PLD5: variants seen among roughly 807,000 people sequenced by gnomAD.
PLD5 encodes the protein inactive phospholipase D5.
Under a neutral mutation model 61.1 loss-of-function variants are expected in PLD5, and 36 were observed. The observed-to-expected ratio is 0.59, with a 90% confidence interval of 0.45 to 0.78. The LOEUF is 0.78. PLD5 is among the 30% of genes least tolerant of loss of function. The probability of loss-of-function intolerance (pLI) is 0.00; values close to 1 mark genes in which losing one functional copy is unlikely to be tolerated. For synonymous variants in PLD5, 243 were observed against 242.8 expected, an observed-to-expected ratio of 1.00 and a Z score of -0.01; for missense variants, 515 against 644.4, an observed-to-expected ratio of 0.80 and a Z score of 2.17.
chr1:242,261,442 A>T (rs1673365187), intron 4 of PLD5, among the ~76,000 whole-genome samples: 1 of 152,166 alleles, frequency 6.6e-6, no homozygotes, highest in South Asian at 2.1e-4. Flanking sequence ...CCTTGTGATG[A>T]TAAATAGTTT....
Position 242,324,273 on chromosome 1 carries a change from AAAGC to A in PLD5, c.326+23829_326+23832del, listed in dbSNP as rs1394913347. 5.6e-4 allele frequency among the ~76,000 whole-genome samples: 86 copies of A among 152,370 alleles called. 1 individual carries two copies. Among genetic ancestry groups the A allele is most frequent in the Non-Finnish European group, 7.3e-5 (5 of 68,044 alleles). Reference sequence around the variant, plus strand: ...AGATAATGTCACCTCATGTGAGTAAAAAGCAAGATGATTTCTTTAGAATGAACAA... The same window carrying A: ...AGATAATGTCACCTCATGTGAGTAAAAAGATGATTTCTTTAGAATGAACAA... On this transcript the variant is annotated intron_variant, in intron 2 of 9. Transcript: ENST00000536534.
intron 1 of PLD5, among the ~76,000 whole-genome samples, chr1:242,433,714 T>C (rs1665846059): frequency 6.6e-6 from 1 of 152,112 alleles, no homozygotes. Flanking sequence ...GTAATATGTA[T>C]TATTCTAAAA....
intron 5 of PLD5, among the ~76,000 whole-genome samples, chr1:242,144,252 TATTTTTTTTTTA>T (rs1338294418): frequency 3.2e-4 from 28 of 88,534 alleles, no homozygotes; most frequent in Non-Finnish European, 4.0e-4. Flanking sequence ...CCTCAAATTT[TATTTTTTTTTTA>T]AAATATTATT....
chr1:242,389,472 C>T (rs1490761438), intron 1 of PLD5, among the ~76,000 whole-genome samples: 1 of 151,954 alleles, frequency 6.6e-6, no homozygotes, highest in East Asian at 1.9e-4. Context: ...TTATTAAGCT[C>T]CCATATTAAC....
At chr1:242,450,445 G>GTCC (rs1380203405) in intron 1 of PLD5, among the ~76,000 whole-genome samples, 1 of 152,144 alleles carries the variant, frequency 6.6e-6, no homozygotes, top group Admixed American at 6.6e-5. Flanking sequence ...TGTTGGCAAA[G>GTCC]TCCCACAAAT....
intron 3 of PLD5, among the ~76,000 whole-genome samples, chr1:242,283,072 T>A (rs1433409331): frequency 6.6e-6 from 1 of 152,128 alleles, no homozygotes; most frequent in African/African-American, 2.4e-5. Flanking sequence ...AACAGCAACC[T>A]TTTGGAGGTA....
At position 242,256,545 on chromosome 1, in the gene PLD5, G is replaced by A. The variant is rs941226881; in HGVS notation, c.607+8792C>T. On this transcript the variant is annotated intron_variant, in intron 4 of 9. Transcript: ENST00000536534. This position sits in a 1 kb window ranked among gnomAD's most constrained non-coding sequence, Gnocchi z 5.7. ...TGCCCTTCTGTCTTATCCGCCACGT[G>A]AGGACACAGCGTTTGTTCCCTCTGG... Among the ~76,000 whole-genome samples, 21 of 152,140 alleles carry A rather than the reference G, an allele frequency of 1.4e-4. No homozygotes were observed. Among genetic ancestry groups the A allele is most frequent in the Non-Finnish European group, 2.6e-4 (18 of 68,030 alleles).
intron 6 of PLD5, 100 bp from the exon 7 acceptor site, chr1:242,114,126 T>C (rs572442349): frequency 7.4e-7 from 1 of 1,354,494 alleles, no homozygotes; most frequent in South Asian, 1.5e-5. Context: ...TGTAACTATA[T>C]TTTTGCAAAC....
chr1:242,401,430 T>C (rs1663927678), intron 1 of PLD5, among the ~76,000 whole-genome samples: 1 of 152,130 alleles, frequency 6.6e-6, no homozygotes, highest in African/African-American at 2.4e-5. Flanking sequence ...CTCCCCTTCC[T>C]TCACAGACTT....
chr1:242,263,391 T>C (rs1187548149), intron 4 of PLD5, among the ~76,000 whole-genome samples: 1 of 151,972 alleles, frequency 6.6e-6, no homozygotes, highest in Non-Finnish European at 1.5e-5. Flanking sequence ...AAGCAAGATA[T>C]TCAATCACAG....
chr1:242,240,613 G>A (rs1671939141), intron 4 of PLD5, among the ~76,000 whole-genome samples: 2 of 152,086 alleles, frequency 1.3e-5, no homozygotes, highest in African/African-American at 4.8e-5. Flanking sequence ...AGAAACATCA[G>A]GGAGTTTTAG....
chr1:242,191,219 A>G (rs1045529068), intron 5 of PLD5, among the ~76,000 whole-genome samples: 2 of 152,106 alleles, frequency 1.3e-5, no homozygotes, highest in Non-Finnish European at 2.9e-5. Context: ...TAGTTTTAGA[A>G]ACTACATTGT....
chr1:242,191,542 C>T (rs959211713), intron 5 of PLD5, among the ~76,000 whole-genome samples: 37 of 148,408 alleles, frequency 2.5e-4, no homozygotes, highest in Middle Eastern at 3.5e-3. Context: ...GCCAAGACTG[C>T]GCCACTGCAC....
intron 2 of PLD5, among the ~76,000 whole-genome samples, chr1:242,323,529 A>T (rs1658554741): frequency 1.3e-5 from 2 of 152,204 alleles, no homozygotes. Context: ...AAGAGTGAAT[A>T]CGCCTCTCTA....
chr1:242,387,693 T>C (rs571172237), intron 1 of PLD5, among the ~76,000 whole-genome samples: 1 of 144,074 alleles, frequency 6.9e-6, no homozygotes, highest in African/African-American at 2.7e-5. Context: ...ATTTTATCTA[T>C]TTTATATAAA....
At chr1:242,137,240 T>C (rs972320806) in intron 5 of PLD5, among the ~76,000 whole-genome samples, 3 of 152,188 alleles carry the variant, frequency 2.0e-5, no homozygotes, top group African/African-American at 2.4e-5. Context: ...TTATCATTAC[T>C]GTACGAAGCC....
intron 5 of PLD5, among the ~76,000 whole-genome samples, chr1:242,142,714 T>TTCTCTCTTTC (rs71570932): frequency 4.4e-5 from 4 of 90,046 alleles, no homozygotes; most frequent in South Asian, 3.2e-4. Context: ...AGCTGTGTCT[T>TTCTCTCTTTC]TCTCTCTCTC....
chr1:242,130,433 T>C (rs1425406595), intron 5 of PLD5, among the ~76,000 whole-genome samples: 1 of 152,198 alleles, frequency 6.6e-6, no homozygotes, highest in African/African-American at 2.4e-5. Context: ...TTCTTTTTGA[T>C]ATAATGACTT....
intron 2 of PLD5, among the ~76,000 whole-genome samples, chr1:242,301,965 G>C (rs1489603807): frequency 1.3e-5 from 2 of 152,064 alleles, no homozygotes; most frequent in Admixed American, 6.5e-5. Context: ...ATTTGTAGTA[G>C]AGACAGGGTT....
Sources: gnomAD v4.1 joint callset for allele counts (sites outside exome capture counted in the v4.1 genomes callset) on GRCh38, gnomAD v4.1.1 for gene constraint, Gnocchi (gnomAD v3.1) non-coding constraint, MANE v1.5 for transcripts, NCBI Gene and HGNC (gene_info 2026-07-23, HGNC 2026-07-21) for gene names.